SEPTIN9: variants seen among roughly 807,000 people sequenced by gnomAD.
The protein encoded by SEPTIN9 is septin 9, also known as septin-9.
SEPTIN9 carries 13 observed loss-of-function variants against 56.6 expected under a neutral mutation model. The observed-to-expected ratio is 0.23, with a 90% CI of 0.15 to 0.37. SEPTIN9 has a LOEUF of 0.37. Ranked by LOEUF, SEPTIN9 falls within the 10% of genes least tolerant of loss-of-function variation. SEPTIN9 has a pLI of 1.00. For missense variants in SEPTIN9, 650 were observed against 823.1 expected (o/e 0.79, Z 2.57); for synonymous variants, 332 against 334.1 (o/e 0.99, Z 0.07).
intron 3 of SEPTIN9, among the ~76,000 whole-genome samples, chr17:77,447,477 C>T (rs766362541): frequency 2.0e-5 from 3 of 152,226 alleles, no homozygotes; most frequent in Non-Finnish European, 2.9e-5. Context: ...TGGCCTGTGG[C>T]GGGCTGCCTT....
At chr17:77,414,877 C>T (rs1038347846) in intron 3 of SEPTIN9, among the ~76,000 whole-genome samples, 1 of 152,134 alleles carries the variant, frequency 6.6e-6, no homozygotes, top group Admixed American at 6.5e-5. Context: ...TGCGCCTGGC[C>T]GATTCTAGAC....
At chr17:77,366,022 A>T (rs2034559950) in intron 2 of SEPTIN9, among the ~76,000 whole-genome samples, 3 of 152,050 alleles carry the variant, frequency 2.0e-5, no homozygotes, top group Non-Finnish European at 4.4e-5. Context: ...CCAGGACACC[A>T]AGGGCCCCAG....
In SEPTIN9 at chr17:77,497,970, T is replaced by C. The variant is rs192338272; in HGVS notation, c.1626-553T>C. Among the ~76,000 whole-genome samples, 200 of 152,098 alleles carry C rather than the reference T, an allele frequency of 1.3e-3. 2 individuals are homozygous for C. The highest frequency in any genetic ancestry group is 0.011 in the East Asian group (55 of 5,130). Reference sequence around the variant, plus strand: ...GGGATTCCGGGAGCCGTTCTGCCATTGTGGGGATACTGGGCTTTCCAACCT... The same window carrying C: ...GGGATTCCGGGAGCCGTTCTGCCATCGTGGGGATACTGGGCTTTCCAACCT... On this transcript the variant is annotated intron_variant, in intron 11 of 11. Transcript: ENST00000427177.
Position 77,328,186 on chromosome 17 carries a change from CGTCCCCATGCCCAGGGT to C in SEPTIN9, c.76+21005_76+21021del, listed in dbSNP as rs559061491. Among the ~76,000 whole-genome samples, 307 of 151,934 alleles carry C rather than the reference CGTCCCCATGCCCAGGGT, an allele frequency of 2.0e-3. 1 individual carries two copies. Among genetic ancestry groups the C allele is most frequent in the African/African-American group, 7.1e-3 (294 of 41,408 alleles). The stretch of plus-strand genomic sequence containing the variant: ...GCCCAGTGTGTCCCTGTATCCAGGG[CGTCCCCATGCCCAGGGT>C]GTCCCCATGCCCAGGCACTGCCTCT... On this transcript the variant is annotated intron_variant, in intron 2 of 11. Transcript: ENST00000427177.
intron 2 of SEPTIN9, among the ~76,000 whole-genome samples, chr17:77,344,583 A>G (rs2033830484): frequency 6.6e-6 from 1 of 152,248 alleles, no homozygotes; most frequent in African/African-American, 2.4e-5. Context: ...CTTTTCCCAT[A>G]ACCAAAAGAT....
chr17:77,314,969 G>A (rs1030902668), intron 2 of SEPTIN9, among the ~76,000 whole-genome samples: 4 of 152,210 alleles, frequency 2.6e-5, no homozygotes, highest in African/African-American at 9.6e-5. Context: ...GGCTCCTACT[G>A]GGCCCCTGTG....
rs1335182286 is a variant in SEPTIN9 at position 77,492,641 on chromosome 17, C to A, written c.1401C>A (p.Ser467=). The A allele has an allele frequency of 1.2e-6, 2 of 1,614,002 alleles. No individual in the cohort carries two copies. The highest frequency in any genetic ancestry group is 2.7e-5 in the African/African-American group (2 of 74,918). The change falls in exon 9 of 12, where the codon TCC becomes TCA. Residue 467 remains serine, a synonymous_variant. Coordinates refer to ENST00000427177, the MANE Select transcript of SEPTIN9 (RefSeq NM_001113491.2). The surrounding 1 kb of genome is among the most constrained non-coding windows in gnomAD (Gnocchi z 5.4). ...FKQRITADLL[S]NGIDVYPQKE... ...CCCAGATCACCGCAGACCTGCTGTCCAACGGCATCGACGTGTACCCCCAGA... is the reference window on the plus strand; with the variant it reads ...CCCAGATCACCGCAGACCTGCTGTCAAACGGCATCGACGTGTACCCCCAGA...
At chr17:77,373,581 C>G (rs1402926945) in intron 2 of SEPTIN9, 5 of 1,541,186 alleles carry the variant, frequency 3.2e-6, no homozygotes, top group Non-Finnish European at 1.8e-6. Flanking sequence ...GCTGCGGCCG[C>G]GGACGTGCTG....
intron 1 of SEPTIN9, among the ~76,000 whole-genome samples, chr17:77,286,671 G>A (rs1484791805): frequency 1.3e-5 from 2 of 152,112 alleles, no homozygotes; most frequent in African/African-American, 2.4e-5. Context: ...ATGTGACTGG[G>A]ACCTAGAGGT....
rs200646520 is a variant in SEPTIN9, at chr17:77,497,351, G to A, written c.1610G>A (p.Arg537Gln). ...NTTHCEFAYL[R>Q]DLLIRTHMQN... is the part of the protein sequence containing the mutation. ...ACACACTGTGAGTTTGCCTACCTGCGGGACCTTCTCATCAGGTGAGAGACA... is the reference window on the plus strand; with the variant it reads ...ACACACTGTGAGTTTGCCTACCTGCAGGACCTTCTCATCAGGTGAGAGACA... The change falls in exon 11 of 12, where the codon CGG becomes CAG. Residue 537 changes from arginine to glutamine, a missense_variant. Coordinates refer to ENST00000427177, the MANE Select transcript of SEPTIN9 (RefSeq NM_001113491.2). 6.8e-6 allele frequency: 11 copies of A among 1,613,816 alleles called. No individual in the cohort carries two copies. The highest frequency in any genetic ancestry group is 1.1e-5 in the South Asian group (1 of 91,004).
chr17:77,494,052 C>T (rs2077876732), intron 10 of SEPTIN9, among the ~76,000 whole-genome samples: 1 of 152,022 alleles, frequency 6.6e-6, no homozygotes. Context: ...GCTGGGATTA[C>T]AGGAATGAGC....
intron 2 of SEPTIN9, among the ~76,000 whole-genome samples, chr17:77,359,186 T>C (rs2034343454): frequency 6.6e-6 from 1 of 152,192 alleles, no homozygotes. Context: ...TCAGGGAGGC[T>C]GAGCAATGTA....
In SEPTIN9 at chr17:77,451,355, C is replaced by CT. The variant is rs1354406951; in HGVS notation, c.722-30788dup. The CT allele has an allele frequency of 1.0e-6, 1 of 985,762 alleles. No individual in the cohort carries two copies. The highest frequency in any genetic ancestry group is 1.2e-6 in the Non-Finnish European group (1 of 830,118). The allele number at this position is 985,762 out of a possible 1,614,324, so 61.1% of individuals were successfully genotyped here. A position where few individuals can be genotyped will look rare whatever the true frequency, so the allele number is the denominator to read the frequency against. ...CCCTTGGAGCAATTCCCCACCGAGC[C>CT]TCCCTTCCCAGGCAGTCGAGGTCCC... On this transcript the variant is annotated intron_variant, in intron 3 of 11. Transcript: ENST00000427177. This position sits in a 1 kb window ranked among gnomAD's most constrained non-coding sequence, Gnocchi z 4.2.
chr17:77,422,357 C>T (rs952091946), intron 3 of SEPTIN9, among the ~76,000 whole-genome samples: 13 of 152,248 alleles, frequency 8.5e-5, no homozygotes, highest in East Asian at 7.7e-4. Context: ...CCAGGCGGGG[C>T]GGCCAGGACA....
chr17:77,321,634 C>T (rs1302719995), intron 2 of SEPTIN9, among the ~76,000 whole-genome samples: 6 of 152,102 alleles, frequency 3.9e-5, no homozygotes, highest in Non-Finnish European at 5.9e-5. Flanking sequence ...GTGATCCGCC[C>T]GCCTCAGCCT....
Position 77,307,164 on chromosome 17 carries a change from C to T in SEPTIN9, c.43C>T (p.Arg15Trp), listed in dbSNP as rs777105894. 39 of 1,613,796 alleles carry T rather than the reference C, an allele frequency of 2.4e-5. No homozygotes were observed. The highest frequency in any genetic ancestry group is 3.1e-5 in the Non-Finnish European group (36 of 1,179,870). ...YSGGTRTSSGRLRRLGDSSGP... is the reference protein window; with the variant it reads ...YSGGTRTSSGWLRRLGDSSGP... ...AGGAGGCACGCGGACCTCCAGTGGC[C>T]GGCTCCGGAGGCTTGGTGACTCCAG... Residue 15 changes from arginine to tryptophan, a missense_variant, in exon 2 of 12, where the codon CGG (arginine) becomes TGG (tryptophan). Coordinates refer to ENST00000427177, the MANE Select transcript of SEPTIN9 (RefSeq NM_001113491.2).
Position 77,330,735 on chromosome 17 carries a change from C to T in SEPTIN9, c.76+23538C>T, listed in dbSNP as rs1045082780. Among the ~76,000 whole-genome samples the T allele has an allele frequency of 6.6e-6, 1 of 152,252 alleles. No individual in the cohort carries two copies. Among genetic ancestry groups the T allele is most frequent in the Non-Finnish European group, 1.5e-5 (1 of 68,042 alleles). On this transcript the variant is annotated intron_variant, in intron 2 of 11. Coordinates refer to ENST00000427177, the MANE Select transcript of SEPTIN9 (RefSeq NM_001113491.2). This position sits in a 1 kb window ranked among gnomAD's most constrained non-coding sequence, Gnocchi z 4.4. ...ACCATCACGGGGACTGGGGGAGAGGCACAGGCATGCCTGTCCGGCAGCAGA... is the reference window on the plus strand; with the variant it reads ...ACCATCACGGGGACTGGGGGAGAGGTACAGGCATGCCTGTCCGGCAGCAGA...
intron 2 of SEPTIN9, chr17:77,320,496 T>A (rs557298501): frequency 2.7e-6 from 2 of 748,862 alleles, no homozygotes; most frequent in Non-Finnish European, 4.7e-6. Flanking sequence ...TCCAAGCTCG[T>A]GGGATGAACT....
In SEPTIN9 at chr17:77,499,129, C is replaced by T. The variant is rs1297951407; in HGVS notation, c.*471C>T. The T allele has an allele frequency of 1.9e-6, 1 of 536,200 alleles. No homozygotes were observed. The highest frequency in any genetic ancestry group is 3.6e-6 in the Non-Finnish European group (1 of 276,338). The allele number at this position is 536,200 out of a possible 1,614,324, so 33.2% of individuals were successfully genotyped here. A position where few individuals can be genotyped will look rare whatever the true frequency, so the allele number is the denominator to read the frequency against. On this transcript the variant is annotated 3_prime_UTR_variant, in exon 12 of 12. Transcript: ENST00000427177. The stretch of plus-strand genomic sequence containing the variant: ...GAGCCCAGGGGAGAATGCAGCCCAC[C>T]AGGAGCACCTGGACCCCCTGCCCGC...
Sources: gnomAD v4.1 joint callset for allele counts (sites outside exome capture counted in the v4.1 genomes callset) on GRCh38, gnomAD v4.1.1 for gene constraint, Gnocchi (gnomAD v3.1) non-coding constraint, MANE v1.5 for transcripts, NCBI Gene and HGNC (gene_info 2026-07-23, HGNC 2026-07-21) for gene names.